PCDHGA2: variants seen among roughly 807,000 people sequenced by gnomAD.
PCDHGA2 encodes the protein protocadherin gamma subfamily A, 2.
A neutral mutation model predicts 59.2 loss-of-function variants in PCDHGA2; 40 were observed. That is an observed-to-expected ratio of 0.68 (90% CI 0.52 to 0.88). The LOEUF is 0.88. PCDHGA2 is among the 40% of genes least tolerant of loss of function. The pLI is 0.00. For synonymous variants in PCDHGA2, 560 were observed against 526.0 expected (o/e 1.06, Z -0.89); for missense variants, 1,226 against 1,204.0 (o/e 1.02, Z -0.27).
At chr5:141,448,058 C>G (rs2098560499) in intron 1 of PCDHGA2, among the ~76,000 whole-genome samples, 2 of 151,936 alleles carry the variant, frequency 1.3e-5, no homozygotes, top group Non-Finnish European at 2.9e-5. Flanking sequence ...TGCTCTCCAG[C>G]CTGGGCAACA....
intron 1 of PCDHGA2, among the ~76,000 whole-genome samples, chr5:141,479,041 C>T (rs1346986831): frequency 1.2e-4 from 18 of 152,100 alleles, no homozygotes; most frequent in Admixed American, 1.2e-3. Flanking sequence ...AGATCGTGTA[C>T]CTCATTCTCA....
intron 1 of PCDHGA2, among the ~76,000 whole-genome samples, chr5:141,447,135 G>GT (rs905717632): frequency 9.9e-5 from 15 of 151,698 alleles, no homozygotes; most frequent in African/African-American, 3.4e-4. Flanking sequence ...TTGTTTGTTT[G>GT]TTTTTTGTTT....
intron 1 of PCDHGA2, chr5:141,394,070 T>C: frequency 6.2e-7 from 1 of 1,613,848 alleles, no homozygotes; most frequent in Non-Finnish European, 8.5e-7. Context: ...CTATCTACAA[T>C]ATCACAGTGA....
rs771106873 is a variant in PCDHGA2, at chr5:141,426,860, A to C, written c.2425-67947A>C. 5 of 456,702 alleles carry C rather than the reference A, an allele frequency of 1.1e-5. No individual in the cohort carries two copies. In the Admixed American group the frequency reaches 1.2e-4, roughly 11 times the overall value. The allele number at this position is 456,702 out of a possible 1,614,324, so 28.3% of individuals were successfully genotyped here. A position where few individuals can be genotyped will look rare whatever the true frequency, so the allele number is the denominator to read the frequency against. On this transcript the variant is annotated intron_variant, in intron 1 of 3. Transcript: ENST00000394576. ...CTAAAGGCAAGAACGCTCCAGAATT[A>C]GTGCTGGAGAAGCCCCTGGGCCAGG...
chr5:141,403,856 T>A, intron 1 of PCDHGA2: 1 of 1,613,604 alleles, frequency 6.2e-7, no homozygotes, highest in Non-Finnish European at 8.5e-7. Context: ...TGGGGAAATA[T>A]CAACAGCAAA....
chr5:141,435,593 G>T (rs183768133), intron 1 of PCDHGA2, among the ~76,000 whole-genome samples: 1 of 152,112 alleles, frequency 6.6e-6, no homozygotes, highest in East Asian at 1.9e-4. Flanking sequence ...CAGTAATATC[G>T]CCTGCTTTTT....
At chr5:141,343,668 A>C (rs1410986735) in intron 1 of PCDHGA2, among the ~76,000 whole-genome samples, 1 of 152,364 alleles carries the variant, frequency 6.6e-6, no homozygotes, top group East Asian at 1.9e-4. Context: ...CGATTCAATT[A>C]TGTTCAATCA....
At chr5:141,460,909 G>A (rs1473458228) in intron 1 of PCDHGA2, among the ~76,000 whole-genome samples, 4 of 123,246 alleles carry the variant, frequency 3.2e-5, no homozygotes, top group Non-Finnish European at 6.6e-5. Context: ...AATATTCCAT[G>A]GTGTATATAT....
intron 1 of PCDHGA2, among the ~76,000 whole-genome samples, chr5:141,480,115 G>A (rs1164458958): frequency 6.6e-6 from 1 of 152,110 alleles, no homozygotes; most frequent in African/African-American, 2.4e-5. Flanking sequence ...CATGGTGCCT[G>A]GCATATCATA....
chr5:141,492,846 A>G (rs1404624093), intron 1 of PCDHGA2, among the ~76,000 whole-genome samples: 1 of 152,184 alleles, frequency 6.6e-6, no homozygotes, highest in African/African-American at 2.4e-5. Flanking sequence ...AGGAAGTGAA[A>G]GCCTCGAGCG....
chr5:141,352,746 TAACC>T (rs1759100754), intron 1 of PCDHGA2: 2 of 1,439,708 alleles, frequency 1.4e-6, no homozygotes, highest in South Asian at 2.6e-5. Context: ...TCCCAGCACT[TAACC>T]AGGCTGAGGC....
chr5:141,349,811 C>G (rs557672609), intron 1 of PCDHGA2, among the ~76,000 whole-genome samples: 15 of 151,668 alleles, frequency 9.9e-5, no homozygotes, highest in Middle Eastern at 6.8e-3. Context: ...ACCCCCAAAA[C>G]TGAAAAAAAT....
At chr5:141,404,694 C>A in intron 1 of PCDHGA2, 5 of 1,614,116 alleles carry the variant, frequency 3.1e-6, no homozygotes, top group Non-Finnish European at 4.2e-6. Context: ...GCACCCCGCT[C>A]TGCAGAGCCT....
At position 141,356,788 on chromosome 5, in the gene PCDHGA2, C is replaced by A. The variant is rs553457447; in HGVS notation, c.2424+15393C>A. 6 of 1,614,038 alleles carry A rather than the reference C, an allele frequency of 3.7e-6. No individual in the cohort carries two copies. Among genetic ancestry groups the A allele is most frequent in the East Asian group, 4.5e-5 (2 of 44,876 alleles). On this transcript the variant is annotated intron_variant, in intron 1 of 3. Coordinates refer to ENST00000394576, the MANE Select transcript of PCDHGA2 (RefSeq NM_018915.4). ...CTATGAGCAGTTTAGAGACCTGCAG[C>A]TGCTGATGACAGCCAGTGACAGTGG...
At chr5:141,404,878 T>C (rs748965325) in intron 1 of PCDHGA2, 88 of 1,613,722 alleles carry the variant, frequency 5.5e-5, no homozygotes, top group Non-Finnish European at 7.3e-5. Context: ...AACAGAGCCT[T>C]GTGGTGGCTG....
At chr5:141,366,854 C>T (rs1018356495) in intron 1 of PCDHGA2, 3 of 1,453,352 alleles carry the variant, frequency 2.1e-6, no homozygotes, top group Non-Finnish European at 2.8e-6. Flanking sequence ...AATAGTGGAA[C>T]ATTATTTGCT....
chr5:141,424,616 T>C (rs1487572877), intron 1 of PCDHGA2: 1 of 152,152 alleles, frequency 6.6e-6, no homozygotes, highest in Non-Finnish European at 1.5e-5. Flanking sequence ...TCAAATAGAG[T>C]AGTTTGTGAA....
At chr5:141,349,862 C>T (rs1007140667) in intron 1 of PCDHGA2, among the ~76,000 whole-genome samples, 3 of 151,862 alleles carry the variant, frequency 2.0e-5, no homozygotes, top group African/African-American at 7.3e-5. Flanking sequence ...AAAAAGAATA[C>T]GAAATGATGA....
intron 1 of PCDHGA2, chr5:141,372,569 C>T (rs1768882362): frequency 1.9e-6 from 3 of 1,614,034 alleles, no homozygotes; most frequent in African/African-American, 2.7e-5. Context: ...CCACTGAGGG[C>T]TACTTTCAGC....
Sources: allele counts gnomAD v4.1 joint callset (sites outside exome capture counted in the v4.1 genomes callset), GRCh38; gene constraint gnomAD v4.1.1; transcripts MANE v1.5; gene names NCBI Gene and HGNC (gene_info 2026-07-23, HGNC 2026-07-21).